CNTN5: variants seen among roughly 807,000 people sequenced by gnomAD.
The protein encoded by CNTN5 is contactin 5.
A neutral mutation model predicts 129.1 loss-of-function variants in CNTN5; 77 were observed. That is an observed-to-expected ratio of 0.60 (90% CI 0.50 to 0.72). The LOEUF (loss-of-function observed/expected upper bound fraction) is 0.72, where lower values mean the gene tolerates loss of function less well. CNTN5 is among the 30% of genes least tolerant of loss of function. The pLI is 0.00. For missense variants in CNTN5, 1,478 were observed against 1,328.8 expected, an observed-to-expected ratio of 1.11 and a Z score of -1.75; for synonymous variants, 509 against 465.6, an observed-to-expected ratio of 1.09 and a Z score of -1.20.
chr11:100,240,957 A>G (rs1350833723), intron 16 of CNTN5, among the ~76,000 whole-genome samples: 2 of 152,238 alleles, frequency 1.3e-5, no homozygotes, highest in African/African-American at 4.8e-5. Flanking sequence ...ATATAGCCAC[A>G]CTTTATTTTC....
chr11:99,036,671 C>G (rs954311992), intron 1 of CNTN5, among the ~76,000 whole-genome samples: 2 of 152,130 alleles, frequency 1.3e-5, no homozygotes, highest in Admixed American at 1.3e-4. Flanking sequence ...AGCGATGATA[C>G]TAATACTCCC....
chr11:99,662,779 G>A (rs1429372526), intron 3 of CNTN5, among the ~76,000 whole-genome samples: 4 of 152,008 alleles, frequency 2.6e-5, no homozygotes, highest in Non-Finnish European at 5.9e-5. Flanking sequence ...GCATCACCAG[G>A]GCAGTACTTT....
chr11:100,065,109 C>T (rs549432571), intron 10 of CNTN5, among the ~76,000 whole-genome samples: 6 of 152,114 alleles, frequency 3.9e-5, no homozygotes, highest in South Asian at 2.1e-4. Context: ...TTATCCAGAA[C>T]GCTTAAAAGT....
chr11:99,883,258 A>G (rs964460885), intron 6 of CNTN5, among the ~76,000 whole-genome samples: 4 of 152,162 alleles, frequency 2.6e-5, no homozygotes, highest in African/African-American at 7.2e-5. Context: ...ATCATATGGT[A>G]GCTCAGTTTT....
chr11:99,796,183 G>A (rs958469496), intron 3 of CNTN5, among the ~76,000 whole-genome samples: 1 of 152,140 alleles, frequency 6.6e-6, no homozygotes, highest in Non-Finnish European at 1.5e-5. Flanking sequence ...GTATTTGTGT[G>A]CACGTTCACT....
chr11:100,317,120 A>G (rs1466754621), intron 21 of CNTN5, among the ~76,000 whole-genome samples: 3 of 152,226 alleles, frequency 2.0e-5, no homozygotes, highest in African/African-American at 4.8e-5. Flanking sequence ...GTTTTGCTCT[A>G]TAAAAGATGT....
intron 3 of CNTN5, among the ~76,000 whole-genome samples, chr11:99,713,992 C>T (rs576571760): frequency 2.0e-5 from 3 of 151,772 alleles, no homozygotes; most frequent in East Asian, 1.9e-4. Flanking sequence ...TGAAATTTTC[C>T]GCAGACACAA....
intron 3 of CNTN5, among the ~76,000 whole-genome samples, chr11:99,620,717 C>G (rs2048514): frequency 2.0e-5 from 3 of 151,242 alleles, no homozygotes; most frequent in Admixed American, 6.6e-5. Flanking sequence ...CCCGCTCCCC[C>G]CCGGCCATCA....
chr11:100,123,495 C>CG (rs1354487100), intron 13 of CNTN5, among the ~76,000 whole-genome samples: 2 of 151,922 alleles, frequency 1.3e-5, no homozygotes, highest in Middle Eastern at 3.3e-3. Context: ...TAACTGATTA[C>CG]AATGCCAATC....
intron 7 of CNTN5, among the ~76,000 whole-genome samples, chr11:99,931,599 A>G (rs1950193698): frequency 6.6e-6 from 1 of 152,226 alleles, no homozygotes; most frequent in East Asian, 1.9e-4. Flanking sequence ...AAAATGTAAA[A>G]AATAATGGAT....
chr11:100,105,441 G>A (rs918302940), intron 13 of CNTN5, among the ~76,000 whole-genome samples: 5 of 152,176 alleles, frequency 3.3e-5, no homozygotes, highest in African/African-American at 1.2e-4. Context: ...TTGCATGGCT[G>A]TCTTCTGGAA....
At chr11:99,924,322 C>T (rs1313036643) in intron 7 of CNTN5, among the ~76,000 whole-genome samples, 3 of 151,860 alleles carry the variant, frequency 2.0e-5, no homozygotes, top group Non-Finnish European at 2.9e-5. Context: ...TTTGCCTAGG[C>T]CAATGTCTAG....
intron 3 of CNTN5, among the ~76,000 whole-genome samples, chr11:99,588,983 A>G (rs1406803596): frequency 6.6e-6 from 1 of 152,212 alleles, no homozygotes; most frequent in East Asian, 1.9e-4. Flanking sequence ...ATTTTTGTGT[A>G]TAGAAATGAA....
intron 6 of CNTN5, among the ~76,000 whole-genome samples, chr11:99,863,104 T>A (rs1215021746): frequency 3.3e-5 from 5 of 152,158 alleles, no homozygotes; most frequent in Admixed American, 1.3e-4. Flanking sequence ...GCTGTTGGCC[T>A]TCTGTTGTGT....
At chr11:100,072,990 C>CAAAAAAAAAAAAAAAAAAAAAAAAAAAA (rs61042118) in intron 12 of CNTN5, among the ~76,000 whole-genome samples, 3 of 79,070 alleles carry the variant, frequency 3.8e-5, no homozygotes, top group African/African-American at 1.8e-4. Context: ...TCCCAGGAGG[C>CAAAAAAAAAAAAAAAAAAAAAAAAAAAA]AAAAAAAAAA....
intron 13 of CNTN5, among the ~76,000 whole-genome samples, chr11:100,101,819 G>C (rs1346539717): frequency 6.6e-6 from 1 of 152,126 alleles, no homozygotes; most frequent in African/African-American, 2.4e-5. Flanking sequence ...GTATATGTGA[G>C]AACATGCAAT....
intron 2 of CNTN5, among the ~76,000 whole-genome samples, chr11:99,390,678 A>G (rs1405660263): frequency 6.6e-6 from 1 of 152,128 alleles, no homozygotes; most frequent in Non-Finnish European, 1.5e-5. Flanking sequence ...TTCCTGTGTT[A>G]TTCGTTCTTA....
chr11:99,882,969 G>A (rs1428387544), intron 6 of CNTN5, among the ~76,000 whole-genome samples: 1 of 152,130 alleles, frequency 6.6e-6, no homozygotes, highest in Non-Finnish European at 1.5e-5. Flanking sequence ...AGCACATGAT[G>A]TTTGTCTTTC....
intron 1 of CNTN5, among the ~76,000 whole-genome samples, chr11:99,188,863 G>A (rs1442171756): frequency 1.3e-5 from 2 of 151,658 alleles, no homozygotes; most frequent in Admixed American, 6.6e-5. Flanking sequence ...ATTCTTAGCA[G>A]TTTTCTACTC....
Sources: allele counts gnomAD v4.1 joint callset (sites outside exome capture counted in the v4.1 genomes callset), GRCh38; gene constraint gnomAD v4.1.1; transcripts MANE v1.5; gene names NCBI Gene and HGNC (gene_info 2026-07-23, HGNC 2026-07-21).